The following PPP1CB variants were observed in gnomAD, a reference collection of about 807,000 sequenced individuals.
PPP1CB encodes the protein serine/threonine-protein phosphatase PP1-beta catalytic subunit.
A neutral mutation model predicts 43.7 loss-of-function variants in PPP1CB; 2 were observed. That is an observed-to-expected ratio of 0.05 (90% confidence interval 0.02 to 0.14). PPP1CB has a LOEUF of 0.14. Among genes scored for constraint, PPP1CB ranks in the 10% least tolerant of loss-of-function variants. The pLI, the probability that PPP1CB is intolerant of heterozygous loss-of-function variation, is 1.00. For missense variants in PPP1CB, 84 were observed against 398.0 expected, an observed-to-expected ratio of 0.21 and a Z score of 6.71; for synonymous variants, 136 against 135.6, an observed-to-expected ratio of 1.00 and a Z score of -0.02.
intron 1 of PPP1CB, among the ~76,000 whole-genome samples, chr2:28,765,085 T>C (rs568377279): frequency 2.4e-4 from 36 of 152,192 alleles, no homozygotes; most frequent in Middle Eastern, 6.8e-3. Flanking sequence ...CACAGACACA[T>C]ATATATCACA....
At chr2:28,787,637 T>G (rs1273754824) in intron 5 of PPP1CB, among the ~76,000 whole-genome samples, 1 of 152,226 alleles carries the variant, frequency 6.6e-6, no homozygotes, top group African/African-American at 2.4e-5. Flanking sequence ...TGGCACATTT[T>G]TGGTCTTCGT....
Position 28,760,804 on chromosome 2 carries a change from T to C in PPP1CB, c.52+8628T>C, listed in dbSNP as rs1401827198. ...AAATAGTAAATTAAGAAGGAATCTTTATAGGTACTTGTATGTTTCCTCAAT... is the reference window on the plus strand; with the variant it reads ...AAATAGTAAATTAAGAAGGAATCTTCATAGGTACTTGTATGTTTCCTCAAT... On this transcript the variant is annotated intron_variant, in intron 1 of 7. Transcript: ENST00000395366. Among the ~76,000 whole-genome samples the C allele has an allele frequency of 3.3e-5, 5 of 152,252 alleles. No individual in the cohort carries two copies. The East Asian group carries it at 7.7e-4, about 23-fold the overall frequency.
intron 1 of PPP1CB, among the ~76,000 whole-genome samples, chr2:28,772,765 C>G (rs1341431104): frequency 1.3e-5 from 2 of 152,022 alleles, no homozygotes; most frequent in Non-Finnish European, 2.9e-5. Flanking sequence ...GTTAAGCATC[C>G]GTAATCTGAT....
intron 1 of PPP1CB, among the ~76,000 whole-genome samples, chr2:28,773,693 T>C (rs1312730772): frequency 1.3e-5 from 2 of 152,046 alleles, no homozygotes; most frequent in African/African-American, 4.8e-5. Context: ...GTCTTGAGAG[T>C]ACATAAAGGA....
chr2:28,779,435 CTATT>C lies in PPP1CB; in HGVS notation c.415+399_415+402del, dbSNP rs1329224246. 3.3e-5 allele frequency among the ~76,000 whole-genome samples: 5 copies of C among 152,246 alleles called. No homozygotes were observed. In the East Asian group the frequency reaches 5.8e-4, roughly 18 times the overall value. ...AGAATTATTGAGAAGTTCTGTGAAA[CTATT>C]TAAAAGTCAAAGTTTAATATTATTA... On this transcript the variant is annotated intron_variant, in intron 3 of 7. Coordinates refer to ENST00000395366, the MANE Select transcript of PPP1CB (RefSeq NM_002709.3).
intron 1 of PPP1CB, among the ~76,000 whole-genome samples, chr2:28,769,685 G>A (rs1666860478): frequency 6.6e-6 from 1 of 152,110 alleles, no homozygotes; most frequent in Admixed American, 6.5e-5. Context: ...GTGGCTTGTG[G>A]GATTTAAAAT....
intron 1 of PPP1CB, among the ~76,000 whole-genome samples, chr2:28,756,779 C>T (rs781320946): frequency 4.0e-5 from 6 of 149,546 alleles, no homozygotes; most frequent in Non-Finnish European, 7.4e-5. Context: ...CGAGGTGCTG[C>T]GCCCAGCCTG....
intron 1 of PPP1CB, among the ~76,000 whole-genome samples, chr2:28,775,653 A>C (rs1031188894): frequency 6.6e-6 from 1 of 152,188 alleles, no homozygotes; most frequent in Non-Finnish European, 1.5e-5. Flanking sequence ...CTGGGATTAC[A>C]GGGGCAAGCT....
At chr2:28,780,342 C>T (rs573197073) in intron 3 of PPP1CB, among the ~76,000 whole-genome samples, 34 of 152,150 alleles carry the variant, frequency 2.2e-4, no homozygotes, top group Non-Finnish European at 4.7e-4. Flanking sequence ...CCACCCGCCT[C>T]GGCCTCCCAG....
intron 1 of PPP1CB, among the ~76,000 whole-genome samples, chr2:28,757,163 T>C (rs544153877): frequency 6.6e-6 from 1 of 152,346 alleles, no homozygotes; most frequent in East Asian, 1.9e-4. Flanking sequence ...GTGACTGGTT[T>C]CTTTTAATGT....
intron 1 of PPP1CB, among the ~76,000 whole-genome samples, chr2:28,758,779 C>T (rs1666549461): frequency 6.6e-6 from 1 of 152,220 alleles, no homozygotes; most frequent in Non-Finnish European, 1.5e-5. Context: ...CCTCAGAACC[C>T]TCCCTTGCCA....
At chr2:28,759,520 CAA>C (rs559532367) in intron 1 of PPP1CB, among the ~76,000 whole-genome samples, 88 of 100,756 alleles carry the variant, frequency 8.7e-4, no homozygotes, top group African/African-American at 3.0e-3. Flanking sequence ...ACTGCATCTC[CAA>C]AAAAAAAAAA....
At chr2:28,789,998 TG>T (rs144386156) in intron 6 of PPP1CB, among the ~76,000 whole-genome samples, 6,916 of 152,240 alleles carry the variant, frequency 0.045, 220 homozygotes, top group Middle Eastern at 0.071. Flanking sequence ...AATTTGATTG[TG>T]GCTCAGTGCA....
chr2:28,795,569 G>T (rs1210931160), intron 7 of PPP1CB, among the ~76,000 whole-genome samples: 1 of 152,106 alleles, frequency 6.6e-6, no homozygotes, highest in East Asian at 1.9e-4. Flanking sequence ...GTGATGATGA[G>T]CATTTTTTCA....
rs147431215 is a variant in PPP1CB at position 28,773,589 on chromosome 2, A to G, written c.53-3262A>G. On this transcript the variant is annotated intron_variant, in intron 1 of 7. Transcript: ENST00000395366. Reference sequence around the variant, plus strand: ...TTTTATAATCCAGCAGCGTTCAGATATCCAAACACTGGAATCCCTCATGGA... The same window carrying G: ...TTTTATAATCCAGCAGCGTTCAGATGTCCAAACACTGGAATCCCTCATGGA... 3.5e-3 allele frequency among the ~76,000 whole-genome samples: 538 copies of G among 152,356 alleles called. 1 individual carries two copies. The highest frequency in any genetic ancestry group is 0.012 in the African/African-American group (509 of 41,584).
intron 5 of PPP1CB, among the ~76,000 whole-genome samples, chr2:28,787,226 G>A (rs531487824): frequency 1.2e-4 from 18 of 152,256 alleles, no homozygotes; most frequent in Admixed American, 6.5e-4. Context: ...CTGGGAGGCC[G>A]AAGCGGGCGG....
chr2:28,783,879 G>C, intron 4 of PPP1CB, 28 bp from the exon 5 acceptor site: 2 of 1,536,372 alleles, frequency 1.3e-6, no homozygotes, highest in Non-Finnish European at 1.8e-6. Context: ...TTAGCTGTTA[G>C]TACTATGTCT....
rs1267753336 is a variant in PPP1CB at position 28,802,305 on chromosome 2, A to C, written c.*3002A>C. 6.6e-6 allele frequency: 1 copy of C among 151,972 alleles called. No individual in the cohort carries two copies. The highest frequency in any genetic ancestry group is 1.5e-5 in the Non-Finnish European group (1 of 67,990). 9.4% of individuals were successfully genotyped at this position (151,972 alleles called of 1,614,324 possible). A position where few individuals can be genotyped will look rare whatever the true frequency, so the allele number is the denominator to read the frequency against. ...CCATGGCAACCATAACTTTTGAACC[A>C]AAAAAAATTGTTTTTACATCTTTAT... On this transcript the variant is annotated 3_prime_UTR_variant, in exon 8 of 8. Transcript: ENST00000395366.
chr2:28,794,086 C>A, intron 7 of PPP1CB, 89 bp downstream of exon 7: 1 of 1,110,472 alleles, frequency 9.0e-7, no homozygotes, highest in Non-Finnish European at 1.3e-6. Flanking sequence ...TTTCCTTGAG[C>A]AAGTGTTGAA....
Sources: gnomAD v4.1 joint callset for allele counts (sites outside exome capture counted in the v4.1 genomes callset) on GRCh38, gnomAD v4.1.1 for gene constraint, MANE v1.5 for transcripts, NCBI Gene and HGNC (gene_info 2026-07-23, HGNC 2026-07-21) for gene names.